The following TBC1D12 variants were observed in gnomAD, a reference collection of about 807,000 sequenced individuals.
TBC1D12 encodes the protein TBC1 domain family member 12.
Under a neutral mutation model 86.7 loss-of-function variants are expected in TBC1D12, and 56 were observed. That is an observed-to-expected ratio of 0.65 (90% CI 0.52 to 0.81). TBC1D12 has a LOEUF of 0.81. TBC1D12 is among the 30% of genes least tolerant of loss of function. The pLI is 0.00. For missense variants in TBC1D12, 1,023 were observed against 1,038.8 expected (o/e 0.98, Z 0.21); for synonymous variants, 421 against 411.7 (o/e 1.02, Z -0.27).
intron 2 of TBC1D12, 63 bp downstream of exon 2, chr10:94,442,082 CTTTTTT>C: frequency 4.8e-5 from 57 of 1,195,316 alleles, no homozygotes; most frequent in South Asian, 1.2e-4. Flanking sequence ...TCTTCTTCTT[CTTTTTT>C]TTTTTTTTTT....
intron 6 of TBC1D12, among the ~76,000 whole-genome samples, chr10:94,502,213 T>C (rs2056407182): frequency 6.6e-6 from 1 of 151,846 alleles, no homozygotes; most frequent in Non-Finnish European, 1.5e-5. Flanking sequence ...ATGTCTGTAA[T>C]CCCAGCTACT....
chr10:94,429,392 A>AAAACCCT lies in TBC1D12; in HGVS notation c.972-12502_972-12496dup, dbSNP rs555444630. Among the ~76,000 whole-genome samples, 14 of 152,308 alleles carry AAAACCCT rather than the reference A, an allele frequency of 9.2e-5. No homozygotes were observed. In the South Asian group the frequency reaches 1.2e-3, roughly 14 times the overall value. ...TAAAAAAGCCTAAGTTATCTGGCAA[A>AAAACCCT]AAACCCTACTTTTTTTGCATATAGT... On this transcript the variant is annotated intron_variant, in intron 1 of 12. Transcript: ENST00000225235.
intron 3 of TBC1D12, among the ~76,000 whole-genome samples, chr10:94,488,973 AG>A (rs2056208770): frequency 1.3e-5 from 2 of 152,090 alleles, no homozygotes; most frequent in Admixed American, 1.3e-4. Context: ...TGGGATTGAG[AG>A]GGGAGTGGCG....
chr10:94,482,653 T>G (rs2056094404), intron 3 of TBC1D12, among the ~76,000 whole-genome samples: 1 of 152,138 alleles, frequency 6.6e-6, no homozygotes, highest in African/African-American at 2.4e-5. Context: ...TTTTTCCATG[T>G]TGGTCAGGCT....
chr10:94,440,995 GC>G (rs2055372679), intron 1 of TBC1D12, among the ~76,000 whole-genome samples: 1 of 152,090 alleles, frequency 6.6e-6, no homozygotes, highest in Non-Finnish European at 1.5e-5. Context: ...AATTACAGGT[GC>G]CCACCACCAC....
intron 9 of TBC1D12, among the ~76,000 whole-genome samples, chr10:94,520,761 G>C (rs772264726): frequency 9.9e-5 from 15 of 151,552 alleles, no homozygotes; most frequent in Non-Finnish European, 1.8e-4. Flanking sequence ...CCAGGTTCAC[G>C]CCATTCTCCT....
At chr10:94,471,861 G>T (rs2055912305) in intron 2 of TBC1D12, among the ~76,000 whole-genome samples, 1 of 152,040 alleles carries the variant, frequency 6.6e-6, no homozygotes, top group Admixed American at 6.5e-5. Context: ...TAGCTTATTT[G>T]GTTATTACTA....
chr10:94,531,748 T>C (rs1842428017), intron 12 of TBC1D12, among the ~76,000 whole-genome samples: 1 of 140,102 alleles, frequency 7.1e-6, no homozygotes, highest in Non-Finnish European at 1.6e-5. Context: ...TGTTATTTTA[T>C]GTTATTTTAT....
At chr10:94,489,244 G>A (rs1178846151) in intron 3 of TBC1D12, among the ~76,000 whole-genome samples, 1 of 152,192 alleles carries the variant, frequency 6.6e-6, no homozygotes, top group Non-Finnish European at 1.5e-5. Context: ...CCATGGGCAG[G>A]TGCTGGCTGA....
At chr10:94,423,052 A>G (rs1156910751) in intron 1 of TBC1D12, among the ~76,000 whole-genome samples, 1 of 152,346 alleles carries the variant, frequency 6.6e-6, no homozygotes, top group East Asian at 1.9e-4. Flanking sequence ...GTGAGCCATG[A>G]TCACGCCAGT....
chr10:94,417,745 T>C lies in TBC1D12; in HGVS notation c.971+14161T>C, dbSNP rs538180305. Reference sequence around the variant, plus strand: ...AATTACCTCTATGTATATGTGTCTCTTCTTCTTTTTTTTTTTTTTTTGCTA... The same window carrying C: ...AATTACCTCTATGTATATGTGTCTCCTCTTCTTTTTTTTTTTTTTTTGCTA... On this transcript the variant is annotated intron_variant, in intron 1 of 12. Transcript: ENST00000225235. Among the ~76,000 whole-genome samples, 453 of 139,048 alleles carry C rather than the reference T, an allele frequency of 3.3e-3. 2 individuals are homozygous for C. The highest frequency in any genetic ancestry group is 0.012 in the African/African-American group (437 of 36,818). The allele number at this position is 139,048 out of a possible 152,430, so 91.2% of individuals were successfully genotyped here.
chr10:94,480,114 T>C (rs1053115582), intron 3 of TBC1D12, among the ~76,000 whole-genome samples: 6 of 152,168 alleles, frequency 3.9e-5, no homozygotes, highest in African/African-American at 1.4e-4. Context: ...GCAATTAGTG[T>C]CAGATCAGAG....
intron 1 of TBC1D12, among the ~76,000 whole-genome samples, chr10:94,432,915 T>C (rs904130618): frequency 6.6e-6 from 1 of 152,110 alleles, no homozygotes; most frequent in Non-Finnish European, 1.5e-5. Flanking sequence ...CAAAATATCC[T>C]TATAAGTAGC....
intron 3 of TBC1D12, among the ~76,000 whole-genome samples, chr10:94,490,002 C>G (rs2056224785): frequency 6.6e-6 from 1 of 152,122 alleles, no homozygotes; most frequent in Admixed American, 6.5e-5. Flanking sequence ...AATCCCAGAA[C>G]TTTGGGAGGC....
At position 94,497,225 on chromosome 10, in the gene TBC1D12, TTC is replaced by T; in HGVS notation, c.1412+55_1412+56del. 4 of 1,083,446 alleles carry T rather than the reference TTC, an allele frequency of 3.7e-6. No homozygotes were observed. The South Asian group carries it at 6.5e-5, about 18-fold the overall frequency. 67.1% of individuals were successfully genotyped at this position (1,083,446 alleles called of 1,614,324 possible). A position where few individuals can be genotyped will look rare whatever the true frequency, so the allele number is the denominator to read the frequency against. On this transcript the variant is annotated intron_variant, in intron 5 of 12. Transcript: ENST00000225235. The stretch of plus-strand genomic sequence containing the variant: ...CCATTTGTCTCCGAAGATCTCATGT[TTC>T]TTTTTTTTTTTTTAATTTATTATTA...
intron 2 of TBC1D12, among the ~76,000 whole-genome samples, chr10:94,465,645 T>TCC (rs1358184057): frequency 7.6e-6 from 1 of 131,226 alleles, no homozygotes; most frequent in South Asian, 2.4e-4. Flanking sequence ...GACTCTTGCC[T>TCC]AAAAAAAAAA....
Position 94,415,950 on chromosome 10 carries a change from G to T in TBC1D12, c.971+12366G>T, listed in dbSNP as rs115422274. Among the ~76,000 whole-genome samples the T allele has an allele frequency of 3.0e-3, 452 of 152,186 alleles. 3 individuals are homozygous for T. Among genetic ancestry groups the T allele is most frequent in the African/African-American group, 0.01 (426 of 41,540 alleles). Reference sequence around the variant, plus strand: ...AGCTGAGAACTATACTGCATGAAGGGAAAATTTTAGGAGATAACCACTATA... The same window carrying T: ...AGCTGAGAACTATACTGCATGAAGGTAAAATTTTAGGAGATAACCACTATA... On this transcript the variant is annotated intron_variant, in intron 1 of 12. Transcript: ENST00000225235.
intron 1 of TBC1D12, 152 bp downstream of exon 1, chr10:94,403,736 G>A (rs2054809957): frequency 1.0e-6 from 1 of 983,710 alleles, no homozygotes; most frequent in East Asian, 3.2e-5. Flanking sequence ...ACTTAGCTTT[G>A]ATTTGTCACT....
intron 8 of TBC1D12, 52 bp downstream of exon 8, chr10:94,510,231 C>A: frequency 7.7e-7 from 1 of 1,296,760 alleles, no homozygotes; most frequent in Non-Finnish European, 1.1e-6. Context: ...TATCAATATC[C>A]AAGGCAACAG....
Sources: gnomAD v4.1 joint callset for allele counts (sites outside exome capture counted in the v4.1 genomes callset) on GRCh38, gnomAD v4.1.1 for gene constraint, MANE v1.5 for transcripts, NCBI Gene and HGNC (gene_info 2026-07-23, HGNC 2026-07-21) for gene names.